Variants in ANGPT1 observed in about 807,000 individuals in gnomAD.
ANGPT1 encodes the protein angiopoietin-1.
In ANGPT1, 17 loss-of-function variants were observed where a neutral mutation model predicts 62.2. The ratio of observed to expected loss-of-function variants is 0.27; its 90% CI spans 0.19 to 0.41. ANGPT1 has a LOEUF of 0.41. ANGPT1 is among the 10% of genes least tolerant of loss of function. The pLI, the probability that ANGPT1 is intolerant of heterozygous loss-of-function variation, is 1.00. For missense variants in ANGPT1, 478 were observed against 594.9 expected (o/e 0.80, Z 2.04); for synonymous variants, 199 against 198.9 (o/e 1.00, Z 0.00).
At chr8:107,377,628 G>A (rs1012377162) in intron 1 of ANGPT1, among the ~76,000 whole-genome samples, 7 of 152,206 alleles carry the variant, frequency 4.6e-5, no homozygotes, top group South Asian at 2.1e-4. Context: ...ACTTGATGTA[G>A]AGTTAATCCA....
chr8:107,413,668 A>C (rs1413346007), intron 1 of ANGPT1, among the ~76,000 whole-genome samples: 1 of 150,488 alleles, frequency 6.6e-6, no homozygotes, highest in Non-Finnish European at 1.5e-5. Context: ...TAATATTATA[A>C]AATTTATATG....
At chr8:107,407,269 T>TA (rs1817168828) in intron 1 of ANGPT1, among the ~76,000 whole-genome samples, 1 of 4,806 alleles carries the variant, frequency 2.1e-4, no homozygotes, top group Non-Finnish European at 4.1e-4. Context: ...GTAGACCATG[T>TA]TTTTTTTTTT....
chr8:107,457,867 C>CACACACACA, intron 1 of ANGPT1, among the ~76,000 whole-genome samples: 3 of 120,334 alleles, frequency 2.5e-5, no homozygotes, highest in African/African-American at 9.6e-5. Context: ...CACACACACA[C>CACACACACA]CAAGAGGGGA....
chr8:107,335,218 T>C (rs1815531971), intron 3 of ANGPT1, among the ~76,000 whole-genome samples: 1 of 152,166 alleles, frequency 6.6e-6, no homozygotes, highest in Non-Finnish European at 1.5e-5. Context: ...GTTCCCTCAC[T>C]TGTAAAGAAC....
chr8:107,318,461 AT>A (rs1252359476), intron 4 of ANGPT1, among the ~76,000 whole-genome samples: 1 of 152,202 alleles, frequency 6.6e-6, no homozygotes, highest in African/African-American at 2.4e-5. Flanking sequence ...AAAAAAGTAC[AT>A]GTCTAGCCAA....
At chr8:107,352,699 TA>T (rs1284987994) in intron 1 of ANGPT1, among the ~76,000 whole-genome samples, 1 of 152,202 alleles carries the variant, frequency 6.6e-6, no homozygotes, top group Non-Finnish European at 1.5e-5. Flanking sequence ...AGTAACATTT[TA>T]AACCCTATAA....
chr8:107,428,790 T>C (rs1006685672), intron 1 of ANGPT1, among the ~76,000 whole-genome samples: 1 of 152,182 alleles, frequency 6.6e-6, no homozygotes, highest in African/African-American at 2.4e-5. Context: ...TATTTTGACC[T>C]CTTGGCTCAT....
At chr8:107,318,512 T>C (rs193298863) in intron 4 of ANGPT1, among the ~76,000 whole-genome samples, 22 of 152,278 alleles carry the variant, frequency 1.4e-4, no homozygotes, top group Admixed American at 1.2e-3. Context: ...TTTAATGCAT[T>C]ATAGGCATTT....
At chr8:107,264,984 T>C (rs1441578500) in intron 7 of ANGPT1, among the ~76,000 whole-genome samples, 1 of 152,210 alleles carries the variant, frequency 6.6e-6, no homozygotes, top group East Asian at 1.9e-4. Flanking sequence ...ATACCAGTTA[T>C]TGATCTAGGC....
intron 7 of ANGPT1, among the ~76,000 whole-genome samples, chr8:107,272,889 T>A (rs1191073327): frequency 5.5e-5 from 8 of 144,462 alleles, no homozygotes; most frequent in Non-Finnish European, 4.6e-5. Context: ...TAAGAATACA[T>A]AAAAAAAAAA....
At chr8:107,378,795 A>T (rs1299196743) in intron 1 of ANGPT1, among the ~76,000 whole-genome samples, 1 of 151,968 alleles carries the variant, frequency 6.6e-6, no homozygotes, top group East Asian at 1.9e-4. Context: ...TTCCACCATG[A>T]TTGTAAGTTT....
intron 1 of ANGPT1, among the ~76,000 whole-genome samples, chr8:107,360,256 T>C (rs1314328631): frequency 1.3e-5 from 2 of 152,220 alleles, no homozygotes; most frequent in Non-Finnish European, 2.9e-5. Flanking sequence ...ATACTTCTTG[T>C]GGATCAGCCA....
At chr8:107,382,700 A>C (rs1328295844) in intron 1 of ANGPT1, among the ~76,000 whole-genome samples, 2 of 152,090 alleles carry the variant, frequency 1.3e-5, no homozygotes, top group Non-Finnish European at 2.9e-5. Context: ...CCATCAATAT[A>C]CTTGGAACTA....
intron 3 of ANGPT1, among the ~76,000 whole-genome samples, chr8:107,325,481 T>C (rs1815264838): frequency 6.6e-6 from 1 of 152,202 alleles, no homozygotes; most frequent in Non-Finnish European, 1.5e-5. Context: ...AACGTTATAG[T>C]CATATAATAC....
intron 4 of ANGPT1, among the ~76,000 whole-genome samples, chr8:107,306,944 C>A (rs1814732696): frequency 6.6e-6 from 1 of 151,896 alleles, no homozygotes; most frequent in Non-Finnish European, 1.5e-5. Flanking sequence ...AAAGAAGCAT[C>A]ACCGAACAGA....
intron 1 of ANGPT1, among the ~76,000 whole-genome samples, chr8:107,457,497 T>C (rs747973448): frequency 1.3e-5 from 2 of 151,974 alleles, no homozygotes; most frequent in Non-Finnish European, 2.9e-5. Flanking sequence ...TTCTTTGTGG[T>C]CGCTGAGGTG....
chr8:107,421,150 A>G (rs1342095321), intron 1 of ANGPT1, among the ~76,000 whole-genome samples: 1 of 152,142 alleles, frequency 6.6e-6, no homozygotes, highest in Non-Finnish European at 1.5e-5. Flanking sequence ...ACGATTTTAC[A>G]TATTACTAAC....
At chr8:107,458,877 T>C (rs1203577712) in intron 1 of ANGPT1, among the ~76,000 whole-genome samples, 1 of 152,086 alleles carries the variant, frequency 6.6e-6, no homozygotes, top group Non-Finnish European at 1.5e-5. Context: ...CCTTTACATA[T>C]GACATACGAC....
chr8:107,346,885 T>C lies in ANGPT1; in HGVS notation c.453+57A>G, dbSNP rs149757645. ...TGTGCTCTGTGTTTATGGAGAAAGCTAAAGAAAAAAAAAATTTTTCCTTGT... is the reference window on the plus strand; with the variant it reads ...TGTGCTCTGTGTTTATGGAGAAAGCCAAAGAAAAAAAAAATTTTTCCTTGT... On this transcript the variant is annotated intron_variant, in intron 2 of 8. Coordinates refer to ENST00000517746, the MANE Select transcript of ANGPT1 (RefSeq NM_001146.5). The C allele has an allele frequency of 5.3e-6, 8 of 1,508,028 alleles. No homozygotes were observed. The East Asian group carries it at 1.8e-4, about 34-fold the overall frequency. The allele number at this position is 1,508,028 out of a possible 1,614,324, so 93.4% of individuals were successfully genotyped here. A position where few individuals can be genotyped will look rare whatever the true frequency, so the allele number is the denominator to read the frequency against.
Sources: gnomAD v4.1 joint callset for allele counts (sites outside exome capture counted in the v4.1 genomes callset) on GRCh38, gnomAD v4.1.1 for gene constraint, MANE v1.5 for transcripts, NCBI Gene and HGNC (gene_info 2026-07-23, HGNC 2026-07-21) for gene names.